IQSEC1: variants seen among roughly 807,000 people sequenced by gnomAD.
IQSEC1 encodes the protein IQ motif and SEC7 domain-containing protein 1.
In IQSEC1, 31 loss-of-function variants were observed where a neutral mutation model predicts 91.0. That is an observed-to-expected ratio of 0.34 (90% CI 0.26 to 0.46). The LOEUF (loss-of-function observed/expected upper bound fraction) is 0.46, where lower values mean the gene tolerates loss of function less well. Among genes scored for constraint, IQSEC1 ranks in the 20% least tolerant of loss-of-function variants. IQSEC1 has a pLI of 1.00. For missense variants in IQSEC1, 1,388 were observed against 1,575.6 expected (o/e 0.88, Z 2.02); for synonymous variants, 699 against 662.6 (o/e 1.05, Z -0.84).
At chr3:13,085,516 C>A (rs1268153589) in intron 2 of IQSEC1, among the ~76,000 whole-genome samples, 1 of 152,192 alleles carries the variant, frequency 6.6e-6, no homozygotes, top group Non-Finnish European at 1.5e-5. Context: ...GAAAACTAGG[C>A]CTCCGTGACG....
Position 13,073,228 on chromosome 3 carries a change from C to T in IQSEC1, c.-214G>A, listed in dbSNP as rs780532428. ...CAGCGGGCTGTGGAGGGCCCTGGCA[C>T]GTAGCGCGCGCTCACACCGTGCCCA... On this transcript the variant is annotated 5_prime_UTR_variant, in exon 1 of 14. It adds an upstream start codon to the 5' untranslated region. Coordinates refer to ENST00000613206, the MANE Select transcript of IQSEC1 (RefSeq NM_001134382.3). 3 of 613,436 alleles carry T rather than the reference C, an allele frequency of 4.9e-6. No homozygotes were observed. The highest frequency in any genetic ancestry group is 1.9e-5 in the African/African-American group (1 of 53,872). 38.0% of individuals were successfully genotyped at this position (613,436 alleles called of 1,614,324 possible).
intron 1 of IQSEC1, among the ~76,000 whole-genome samples, chr3:13,009,831 T>A (rs1702801010): frequency 6.6e-6 from 1 of 152,158 alleles, no homozygotes. Flanking sequence ...TCTGCCAGTG[T>A]GGCGCCCGCC....
At chr3:13,175,752 A>T (rs1240842891) in intron 1 of IQSEC1, among the ~76,000 whole-genome samples, 1 of 152,236 alleles carries the variant, frequency 6.6e-6, no homozygotes, top group Non-Finnish European at 1.5e-5. Flanking sequence ...GGCGAGGGCC[A>T]CTTGTCCGGT....
chr3:13,220,332 A>G (rs1455456118), intron 1 of IQSEC1, among the ~76,000 whole-genome samples: 1 of 152,198 alleles, frequency 6.6e-6, no homozygotes, highest in East Asian at 1.9e-4. Flanking sequence ...AACATTGCCA[A>G]TTTGAGACTT....
At chr3:13,200,292 C>G (rs555854239) in intron 1 of IQSEC1, among the ~76,000 whole-genome samples, 14 of 152,124 alleles carry the variant, frequency 9.2e-5, no homozygotes, top group African/African-American at 3.4e-4. Flanking sequence ...TACTCCCCCC[C>G]CTTATCATTT....
At chr3:13,058,753 A>T (rs544286064) in intron 1 of IQSEC1, among the ~76,000 whole-genome samples, 1 of 152,146 alleles carries the variant, frequency 6.6e-6, no homozygotes, top group Admixed American at 6.5e-5. Flanking sequence ...GCTCGGTCTG[A>T]GTGTGGGGGC....
intron 8 of IQSEC1, among the ~76,000 whole-genome samples, chr3:12,914,672 T>C (rs1038209816): frequency 1.3e-5 from 2 of 151,974 alleles, no homozygotes; most frequent in African/African-American, 4.8e-5. Flanking sequence ...TCACCCTGTG[T>C]GCATGTGTCC....
intron 3 of IQSEC1, among the ~76,000 whole-genome samples, chr3:12,926,965 A>AAGT (rs1697199647): frequency 2.0e-5 from 3 of 152,184 alleles, no homozygotes; most frequent in Non-Finnish European, 4.4e-5. Context: ...CCAGGGACCC[A>AAGT]GGATGGAAGG....
intron 1 of IQSEC1, among the ~76,000 whole-genome samples, chr3:13,200,002 C>CCA (rs1218941694): frequency 6.6e-6 from 1 of 150,608 alleles, no homozygotes; most frequent in African/African-American, 2.4e-5. Context: ...CATGCACACA[C>CCA]CACACACACA....
chr3:12,993,007 C>CT (rs1213012655), intron 1 of IQSEC1, among the ~76,000 whole-genome samples: 2 of 152,098 alleles, frequency 1.3e-5, no homozygotes, highest in East Asian at 1.9e-4. Flanking sequence ...GTCCCACACT[C>CT]TAAGACCCTG....
At chr3:13,076,621 T>A (rs1705566446), upstream of IQSEC1, among the ~76,000 whole-genome samples, 1 of 152,066 alleles carries the variant, frequency 6.6e-6, no homozygotes, top group African/African-American at 2.4e-5. Flanking sequence ...AGGATCTTCA[T>A]CCAGGGCTGG....
chr3:12,947,732 C>G (rs1699277084), intron 1 of IQSEC1, among the ~76,000 whole-genome samples: 1 of 152,240 alleles, frequency 6.6e-6, no homozygotes, highest in Non-Finnish European at 1.5e-5. Context: ...TGCATCCACA[C>G]TCTGCCCCAG....
chr3:12,980,384 G>A (rs971536095), intron 1 of IQSEC1, among the ~76,000 whole-genome samples: 5 of 152,166 alleles, frequency 3.3e-5, no homozygotes, highest in Non-Finnish European at 7.3e-5. Context: ...AGACCCAGAC[G>A]GACCACTTCA....
intron 1 of IQSEC1, chr3:13,015,631 C>T (rs1263483086): frequency 1.0e-5 from 10 of 985,194 alleles, no homozygotes; most frequent in Non-Finnish European, 1.1e-5. Context: ...GCCTGGCCTG[C>T]CTCTGCGGCC....
chr3:12,967,370 C>G lies in IQSEC1; in HGVS notation c.24-25505G>C. ...TCAGCACCCGGGAAGGCCGCTCGCC[C>G]CGCGCCGCGCCCTCACCCGCTGTCA... On this transcript the variant is annotated intron_variant, in intron 1 of 13. Coordinates refer to ENST00000613206, the MANE Select transcript of IQSEC1 (RefSeq NM_001134382.3). This position sits in a 1 kb window ranked among gnomAD's most constrained non-coding sequence, Gnocchi z 5.9. 1.3e-6 allele frequency: 2 copies of G among 1,531,524 alleles called. No homozygotes were observed. The highest frequency in any genetic ancestry group is 1.7e-6 in the Non-Finnish European group (2 of 1,143,004). The allele number at this position is 1,531,524 out of a possible 1,614,324, so 94.9% of individuals were successfully genotyped here.
chr3:13,121,013 A>G (rs1461836802), intron 2 of IQSEC1, among the ~76,000 whole-genome samples: 1 of 152,248 alleles, frequency 6.6e-6, no homozygotes, highest in African/African-American at 2.4e-5. Flanking sequence ...TTGCCCCAGC[A>G]GCACCCTGCA....
chr3:13,015,062 G>T (rs1309324986), intron 1 of IQSEC1, among the ~76,000 whole-genome samples: 1 of 152,166 alleles, frequency 6.6e-6, no homozygotes, highest in Non-Finnish European at 1.5e-5. Flanking sequence ...GTTGAGGGGG[G>T]CAGCAGTGTG....
In IQSEC1 at chr3:12,897,550, C is replaced by T. The variant is rs1208025989; in HGVS notation, c.*3433G>A. The T allele has an allele frequency of 6.6e-6, 1 of 152,250 alleles. No homozygotes were observed. The highest frequency in any genetic ancestry group is 6.5e-5 in the Admixed American group (1 of 15,286). The allele number at this position is 152,250 out of a possible 1,614,324, so 9.4% of individuals were successfully genotyped here. The stretch of plus-strand genomic sequence containing the variant: ...ATGCATCTGAATGGAGGGCAGGCCT[C>T]CTCCCTCTTGTCCTGTGCTCAGCAC... On this transcript the variant is annotated 3_prime_UTR_variant, in exon 14 of 14. Transcript: ENST00000613206.
chr3:13,131,288 C>CA (rs1706611571), intron 2 of IQSEC1, among the ~76,000 whole-genome samples: 1 of 151,428 alleles, frequency 6.6e-6, no homozygotes, highest in Admixed American at 6.6e-5. Flanking sequence ...TTAATATAGC[C>CA]ATTCCAATTT....
Sources: gnomAD v4.1 joint callset for allele counts (sites outside exome capture counted in the v4.1 genomes callset) on GRCh38, gnomAD v4.1.1 for gene constraint, Gnocchi (gnomAD v3.1) non-coding constraint, MANE v1.5 for transcripts, NCBI Gene and HGNC (gene_info 2026-07-23, HGNC 2026-07-21) for gene names.